Variants in KCNIP4 observed in about 807,000 individuals in gnomAD.
KCNIP4 encodes potassium voltage-gated channel interacting protein 4, also known as Kv channel-interacting protein 4.
Under a neutral mutation model 34.0 loss-of-function variants are expected in KCNIP4, and 12 were observed. The ratio of observed to expected loss-of-function variants is 0.35; its 90% CI spans 0.23 to 0.57. KCNIP4 has a LOEUF of 0.57. Among genes scored for constraint, KCNIP4 ranks in the 20% least tolerant of loss-of-function variants. The pLI is 0.83. For missense variants in KCNIP4, 238 were observed against 311.7 expected (o/e 0.76, Z 1.78); for synonymous variants, 124 against 102.2 (o/e 1.21, Z -1.29).
intron 1 of KCNIP4, among the ~76,000 whole-genome samples, chr4:21,649,907 T>C (rs555795637): frequency 4.9e-4 from 75 of 152,320 alleles, no homozygotes; most frequent in Non-Finnish European, 9.0e-4. Context: ...GTGAGGGTCA[T>C]ATTTTATCAC....
intron 2 of KCNIP4, among the ~76,000 whole-genome samples, chr4:20,851,972 A>G (rs1721078622): frequency 6.6e-6 from 1 of 152,106 alleles, no homozygotes; most frequent in Non-Finnish European, 1.5e-5. Flanking sequence ...CAGTGATGGC[A>G]CCACTGCAGT....
intron 1 of KCNIP4, among the ~76,000 whole-genome samples, chr4:21,627,045 T>C (rs1338085491): frequency 3.3e-5 from 5 of 152,196 alleles, no homozygotes; most frequent in Non-Finnish European, 5.9e-5. Context: ...TATAACTGAA[T>C]GCTGAAGTCA....
chr4:21,006,006 G>A (rs1415685707), intron 1 of KCNIP4, among the ~76,000 whole-genome samples: 2 of 152,112 alleles, frequency 1.3e-5, no homozygotes, highest in African/African-American at 4.8e-5. Flanking sequence ...ATGTCAATAG[G>A]AGAGCAATAG....
At chr4:21,862,275 A>G (rs540586640) in intron 1 of KCNIP4, among the ~76,000 whole-genome samples, 24 of 152,304 alleles carry the variant, frequency 1.6e-4, no homozygotes, top group African/African-American at 5.8e-4. Flanking sequence ...GGCAACAGAA[A>G]CAGAGGGAGA....
intron 1 of KCNIP4, among the ~76,000 whole-genome samples, chr4:21,662,183 T>C (rs1748503813): frequency 6.6e-6 from 1 of 152,210 alleles, no homozygotes; most frequent in African/African-American, 2.4e-5. Context: ...GAGTCAGCGG[T>C]GCCCTGGGAT....
intron 1 of KCNIP4, among the ~76,000 whole-genome samples, chr4:21,543,948 C>T (rs149546884): frequency 6.6e-5 from 10 of 152,132 alleles, no homozygotes; most frequent in East Asian, 3.9e-4. Flanking sequence ...GATAAGAAAA[C>T]GAACCATAAT....
intron 1 of KCNIP4, among the ~76,000 whole-genome samples, chr4:21,791,536 A>T (rs1720283484): frequency 6.6e-6 from 1 of 152,144 alleles, no homozygotes; most frequent in Non-Finnish European, 1.5e-5. Context: ...CAAGACAAAA[A>T]CAAGAATTTA....
intron 1 of KCNIP4, among the ~76,000 whole-genome samples, chr4:20,901,593 T>C (rs1287106515): frequency 6.6e-6 from 1 of 152,230 alleles, no homozygotes. Context: ...TGTCAATCTA[T>C]GAATCTTCTC....
At chr4:21,178,185 A>C (rs1754569498) in intron 1 of KCNIP4, among the ~76,000 whole-genome samples, 1 of 152,156 alleles carries the variant, frequency 6.6e-6, no homozygotes, top group African/African-American at 2.4e-5. Context: ...TCTTAATGAA[A>C]GTGGTTAGTC....
At chr4:20,940,825 T>G (rs1577402454) in intron 1 of KCNIP4, among the ~76,000 whole-genome samples, 3 of 152,140 alleles carry the variant, frequency 2.0e-5, no homozygotes, top group East Asian at 1.9e-4. Context: ...ACTAATTAAT[T>G]AGTAGAGGAG....
intron 1 of KCNIP4, among the ~76,000 whole-genome samples, chr4:20,896,784 A>G (rs1489467758): frequency 1.3e-5 from 2 of 152,210 alleles, no homozygotes; most frequent in African/African-American, 4.8e-5. Context: ...CACATCAGTT[A>G]ACAGATTTTC....
chr4:21,200,211 T>C (rs1275740459), intron 1 of KCNIP4, among the ~76,000 whole-genome samples: 1 of 151,718 alleles, frequency 6.6e-6, no homozygotes, highest in East Asian at 1.9e-4. Context: ...CCTGCATGCA[T>C]ATTTTTATCA....
chr4:20,964,959 GA>G (rs141397987), intron 1 of KCNIP4, among the ~76,000 whole-genome samples: 2,476 of 152,248 alleles, frequency 0.016, 69 homozygotes, highest in African/African-American at 0.057. Context: ...GGTTCAGGAA[GA>G]GGGGTAAATC....
chr4:20,862,877 C>A (rs946081201), intron 2 of KCNIP4, among the ~76,000 whole-genome samples: 1 of 152,114 alleles, frequency 6.6e-6, no homozygotes, highest in Non-Finnish European at 1.5e-5. Context: ...AACAGACAAC[C>A]AAATACCGCA....
At chr4:21,749,793 C>T (rs775642604) in intron 1 of KCNIP4, among the ~76,000 whole-genome samples, 8 of 152,092 alleles carry the variant, frequency 5.3e-5, no homozygotes, top group Admixed American at 3.3e-4. Context: ...GCACACATGC[C>T]GGAGATCCTT....
chr4:20,769,531 C>A (rs1220251232), intron 3 of KCNIP4, among the ~76,000 whole-genome samples: 1 of 152,162 alleles, frequency 6.6e-6, no homozygotes, highest in Non-Finnish European at 1.5e-5. Context: ...AAAAAAAAGA[C>A]AATGGTGCCC....
chr4:20,819,298 T>G (rs1014296036), intron 3 of KCNIP4, among the ~76,000 whole-genome samples: 4 of 152,334 alleles, frequency 2.6e-5, no homozygotes, highest in South Asian at 4.1e-4. Context: ...TATGCTGATC[T>G]ACTCATTTTC....
intron 1 of KCNIP4, among the ~76,000 whole-genome samples, chr4:21,547,455 G>C (rs1485150859): frequency 6.6e-6 from 1 of 151,922 alleles, no homozygotes; most frequent in African/African-American, 2.4e-5. Flanking sequence ...GCAGAGTTTT[G>C]TGTTAATATT....
chr4:21,929,270 A>G (rs770436048), intron 1 of KCNIP4, among the ~76,000 whole-genome samples: 38 of 152,116 alleles, frequency 2.5e-4, no homozygotes, highest in Admixed American at 5.2e-4. Context: ...GCAATGTTGT[A>G]GGTGATAATA....
Sources: allele counts gnomAD v4.1 joint callset (sites outside exome capture counted in the v4.1 genomes callset), GRCh38; gene constraint gnomAD v4.1.1; transcripts MANE v1.5; gene names NCBI Gene and HGNC (gene_info 2026-07-23, HGNC 2026-07-21).